CACUL1: variants seen among roughly 807,000 people sequenced by gnomAD.
The protein encoded by CACUL1 is CDK2-associated and cullin domain-containing protein 1.
CACUL1 carries 13 observed loss-of-function variants against 45.2 expected under a neutral mutation model. The observed-to-expected ratio is 0.29, with a 90% CI of 0.19 to 0.46. CACUL1 has a LOEUF of 0.46. Ranked by LOEUF, CACUL1 falls within the 20% of genes least tolerant of loss-of-function variation. CACUL1 has a pLI of 1.00. For synonymous variants in CACUL1, 197 were observed against 174.2 expected, an observed-to-expected ratio of 1.13 and a Z score of -1.03; for missense variants, 421 against 471.4, an observed-to-expected ratio of 0.89 and a Z score of 0.99.
chr10:118,734,408 A>G (rs1465866377), intron 1 of CACUL1, among the ~76,000 whole-genome samples: 1 of 152,232 alleles, frequency 6.6e-6, no homozygotes, highest in African/African-American at 2.4e-5. Context: ...CCTTTTCTGT[A>G]TGTAATGAGC....
intron 3 of CACUL1, among the ~76,000 whole-genome samples, chr10:118,722,529 C>T (rs1845611063): frequency 6.6e-6 from 1 of 152,148 alleles, no homozygotes; most frequent in Admixed American, 6.5e-5. Flanking sequence ...TGACACTATC[C>T]ATCTGTCAGA....
At chr10:118,719,878 T>C (rs750829169) in intron 3 of CACUL1, among the ~76,000 whole-genome samples, 4 of 152,200 alleles carry the variant, frequency 2.6e-5, no homozygotes, top group Non-Finnish European at 5.9e-5. Context: ...TCATTCTTGC[T>C]ATGCAGATAT....
chr10:118,722,013 A>C (rs1375323936), intron 3 of CACUL1, among the ~76,000 whole-genome samples: 1 of 152,014 alleles, frequency 6.6e-6, no homozygotes. Context: ...CACCTTATCC[A>C]GTTTCCCTTT....
intron 1 of CACUL1, among the ~76,000 whole-genome samples, chr10:118,747,362 TAA>T (rs1250362628): frequency 1.3e-5 from 2 of 152,126 alleles, no homozygotes; most frequent in South Asian, 2.1e-4. Flanking sequence ...CAGTTTCTCA[TAA>T]AGTTAAACGT....
intron 3 of CACUL1, among the ~76,000 whole-genome samples, chr10:118,725,606 T>C (rs896105832): frequency 1.3e-5 from 2 of 152,186 alleles, no homozygotes; most frequent in African/African-American, 4.8e-5. Flanking sequence ...CAGTGAAATA[T>C]AATAGTAAGG....
intron 1 of CACUL1, among the ~76,000 whole-genome samples, chr10:118,749,545 A>ATT (rs1439181582): frequency 6.6e-6 from 1 of 152,244 alleles, no homozygotes; most frequent in Non-Finnish European, 1.5e-5. Context: ...GAGCCTATTC[A>ATT]CAGACACAGA....
At chr10:118,729,113 C>T (rs117575199) in intron 3 of CACUL1, 182 bp downstream of exon 3, 5,869 of 518,692 alleles carry the variant, frequency 0.011, 72 homozygotes, top group Admixed American at 0.036. Flanking sequence ...CAATTTATAC[C>T]AAATTTTCAA....
At chr10:118,692,798 G>GT (rs757229895) in intron 6 of CACUL1, 1 of 152,186 alleles carries the variant, frequency 6.6e-6, no homozygotes, top group Non-Finnish European at 1.5e-5. Flanking sequence ...TTGCTCTGTG[G>GT]TAAGTAAAAA....
Position 118,754,566 on chromosome 10 carries a change from T to A in CACUL1, c.197A>T (p.Asp66Val), listed in dbSNP as rs745333760. 3 of 1,611,164 alleles carry A rather than the reference T, an allele frequency of 1.9e-6. No individual in the cohort carries two copies. The highest frequency in any genetic ancestry group is 2.5e-6 in the Non-Finnish European group (3 of 1,178,984). Reference sequence around the variant, plus strand: ...GAGCCCCTCCTTGGGGCCTTTCCTGTCCACGGAGACCGCGGGCACCGCCAG... The same window carrying A: ...GAGCCCCTCCTTGGGGCCTTTCCTGACCACGGAGACCGCGGGCACCGCCAG... ...QLLAVPAVSV[D>V]RKGPKEGLPM... The change falls in exon 1 of 9, where the codon GAC becomes GTC. Residue 66 changes from aspartate to valine, a missense_variant. Physicochemically the swap from Asp to Val is radical, Grantham distance 152. Around this residue, in one of 2 missense-constraint regions of CACUL1, gnomAD observed 213 missense variants for 173.1 expected, o/e 1.23. Coordinates refer to ENST00000369151, the MANE Select transcript of CACUL1 (RefSeq NM_153810.5).
intron 1 of CACUL1, among the ~76,000 whole-genome samples, chr10:118,743,391 CTT>C (rs1484132712): frequency 6.6e-6 from 1 of 151,662 alleles, no homozygotes; most frequent in East Asian, 1.9e-4. Context: ...TTGCGGAAAA[CTT>C]AAGTAAAAAT....
chr10:118,750,096 G>A (rs553593798), intron 1 of CACUL1, among the ~76,000 whole-genome samples: 2 of 152,340 alleles, frequency 1.3e-5, no homozygotes, highest in South Asian at 4.1e-4. Flanking sequence ...GGAGGCCAAG[G>A]CGGGTGGATG....
chr10:118,708,744 G>A (rs1016455711), intron 3 of CACUL1, among the ~76,000 whole-genome samples: 4 of 152,112 alleles, frequency 2.6e-5, no homozygotes, highest in South Asian at 2.1e-4. Context: ...TCCTCCCATA[G>A]GGCTCAGAAA....
chr10:118,708,731 C>T (rs929580354), intron 3 of CACUL1, among the ~76,000 whole-genome samples: 6 of 152,072 alleles, frequency 3.9e-5, no homozygotes, highest in South Asian at 2.1e-4. Context: ...CTCAGGTTCT[C>T]GCTCCTCCCA....
intron 3 of CACUL1, among the ~76,000 whole-genome samples, chr10:118,716,794 C>T (rs1443009889): frequency 6.6e-6 from 1 of 152,044 alleles, no homozygotes; most frequent in Non-Finnish European, 1.5e-5. Context: ...ACTAGAGACA[C>T]GGTTTCACCG....
chr10:118,735,095 A>G (rs1408099311), intron 1 of CACUL1, among the ~76,000 whole-genome samples: 2 of 152,222 alleles, frequency 1.3e-5, no homozygotes, highest in Non-Finnish European at 2.9e-5. Flanking sequence ...TATATGACAC[A>G]TGGTAGGTAC....
rs1197224220 is a variant in CACUL1, at chr10:118,681,802, T to G, written c.*4326A>C. ...GGTTCAAGGTGGGTCAAGGTGGGTCTTGGCCAGTGGAGGAAGGAAGGTGTC... is the reference window on the plus strand; with the variant it reads ...GGTTCAAGGTGGGTCAAGGTGGGTCGTGGCCAGTGGAGGAAGGAAGGTGTC... On this transcript the variant is annotated 3_prime_UTR_variant, in exon 9 of 9. Transcript: ENST00000369151. 1.3e-5 allele frequency: 2 copies of G among 152,278 alleles called. No homozygotes were observed. Among genetic ancestry groups the G allele is most frequent in the African/African-American group, 4.8e-5 (2 of 41,384 alleles). 9.4% of individuals were successfully genotyped at this position (152,278 alleles called of 1,614,324 possible). A position where few individuals can be genotyped will look rare whatever the true frequency, so the allele number is the denominator to read the frequency against.
Position 118,754,525 on chromosome 10 carries a change from G to C in CACUL1, c.238C>G (p.Pro80Ala), listed in dbSNP as rs750445607. Residue 80 changes from proline (P) to alanine (A), a missense_variant, in exon 1 of 9, where the codon CCA (proline) becomes GCA (alanine). Transcript: ENST00000369151. The stretch of plus-strand genomic sequence containing the variant: ...ATCACCCCATTAGCCTCCGGCGGTG[G>C]CTGCGGCCCCATCGGGAGCCCCTCC... The part of the protein sequence containing the change: ...PKEGLPMGPQ[P>A]PPEANGVIMM... 3.1e-6 allele frequency: 5 copies of C among 1,613,028 alleles called. No individual in the cohort carries two copies. In the South Asian group the frequency reaches 3.3e-5, roughly 11 times the overall value.
rs1201677946 is a variant in CACUL1 at position 118,680,304 on chromosome 10, G to A, written c.*5824C>T. ...TAGTAAAAAACAAACCTGCTAAAAG[G>A]GAAAGAGTTTAAATGACACCCTACT... On this transcript the variant is annotated 3_prime_UTR_variant, in exon 9 of 9. Transcript: ENST00000369151. 1 of 152,138 alleles carries A rather than the reference G, an allele frequency of 6.6e-6. No individual in the cohort carries two copies. Among genetic ancestry groups the A allele is most frequent in the African/African-American group, 2.4e-5 (1 of 41,410 alleles). 9.4% of individuals were successfully genotyped at this position (152,138 alleles called of 1,614,324 possible).
chr10:118,725,817 T>C (rs934612649), intron 3 of CACUL1, among the ~76,000 whole-genome samples: 6 of 152,236 alleles, frequency 3.9e-5, no homozygotes, highest in African/African-American at 1.2e-4. Context: ...CTAAAAACCA[T>C]GTTCTCTAGT....
Sources: allele counts gnomAD v4.1 joint callset (sites outside exome capture counted in the v4.1 genomes callset), GRCh38; gene constraint gnomAD v4.1.1; regional missense constraint gnomAD v4.1.1; transcripts MANE v1.5; gene names NCBI Gene and HGNC (gene_info 2026-07-23, HGNC 2026-07-21).